The following IGSF10 variants were observed in gnomAD, a reference collection of about 807,000 sequenced individuals.
IGSF10 encodes the protein immunoglobulin superfamily member 10, also known as calvaria mechanical force protein 608.
IGSF10 carries 126 observed loss-of-function variants against 128.2 expected under a neutral mutation model. The observed-to-expected ratio is 0.98, with a 90% CI of 0.85 to 1.14. IGSF10 has a LOEUF of 1.14. IGSF10 is among the 50% of genes most tolerant of loss of function. The probability of loss-of-function intolerance (pLI) is 0.00; values close to 1 mark genes in which losing one functional copy is unlikely to be tolerated. For synonymous variants in IGSF10, 1,185 were observed against 1,146.2 expected (o/e 1.03, Z -0.68); for missense variants, 3,295 against 3,149.8 (o/e 1.05, Z -1.10).
chr3:151,436,742 C>T lies in IGSF10; in HGVS notation c.7819G>A (p.Ala2607Thr). 1.2e-6 allele frequency: 2 copies of T among 1,614,056 alleles called. No homozygotes were observed. Among genetic ancestry groups the T allele is most frequent in the Non-Finnish European group, 1.7e-6 (2 of 1,179,958 alleles). Residue 2607 changes from alanine to threonine, a missense_variant, in exon 8 of 8, where the codon GCA becomes ACA. Coordinates refer to ENST00000282466, the MANE Select transcript of IGSF10 (RefSeq NM_178822.5). ...TAATCACTACCAAGTGGGTTCTTTG[C>T]TGTGCATTTGTATATCCCAGAATCG... ...TSDSGIYKCT[A>T]KNPLGSDYAA... is the part of the protein sequence containing the mutation.
At chr3:151,491,253 T>C in the IGSF10 span, among the ~76,000 whole-genome samples, 27 of 152,108 alleles carry the variant, frequency 1.8e-4, no homozygotes, top group South Asian at 1.9e-3. Context: ...CTAGAGCAAA[T>C]TGATAAATTT....
intron 3 of IGSF10, 21 bp downstream of exon 3, chr3:151,458,495 G>A: frequency 6.3e-7 from 1 of 1,580,494 alleles, no homozygotes; most frequent in African/African-American, 1.3e-5. Context: ...TTGAGAAGAG[G>A]AAACATGAGG....
rs955406476 is a variant in IGSF10 at position 151,447,462 on chromosome 3, G to T, written c.2519C>A (p.Thr840Lys). The T allele has an allele frequency of 1.2e-6, 2 of 1,614,122 alleles. No individual in the cohort carries two copies. Among genetic ancestry groups the T allele is most frequent in the African/African-American group, 2.7e-5 (2 of 75,026 alleles). Reference sequence around the variant, plus strand: ...TGAATTCACAACAGGAGAGAATTCTGTGCCATAATTTATGTTTGTCATAGG... The same window carrying T: ...TGAATTCACAACAGGAGAGAATTCTTTGCCATAATTTATGTTTGTCATAGG... ...DSPMTNINYG[T>K]EFSPVVNSQI... Residue 840 changes from threonine to lysine, a missense_variant, in exon 6 of 8, where the codon ACA becomes AAA. Physicochemically the swap from Thr to Lys is moderately conservative, Grantham distance 78. Coordinates refer to ENST00000282466, the MANE Select transcript of IGSF10 (RefSeq NM_178822.5).
chr3:151,614,949 T>G, the IGSF10 span, among the ~76,000 whole-genome samples: 4 of 150,912 alleles, frequency 2.7e-5, no homozygotes, highest in African/African-American at 7.3e-5. Context: ...CAATGAAAAT[T>G]GAAACTTTTA....
At chr3:151,545,336 G>A in the IGSF10 span, among the ~76,000 whole-genome samples, 19 of 152,168 alleles carry the variant, frequency 1.2e-4, no homozygotes, top group African/African-American at 4.6e-4. Flanking sequence ...AGGGTAATAA[G>A]GCAGCAAGGT....
rs775593519 is a variant in IGSF10, at chr3:151,438,602, G to A, written c.5964-5C>T. 3.7e-6 allele frequency: 6 copies of A among 1,603,160 alleles called. No individual in the cohort carries two copies. Among genetic ancestry groups the A allele is most frequent in the Non-Finnish European group, 4.3e-6 (5 of 1,173,002 alleles). ...ACGTGGATCCAGCTGCCCACTCTAA[G>A]GAGAAAAGAGATTCATTTGAGTGTG... is the stretch of plus-strand genomic sequence containing the variant. On this transcript the variant is annotated splice_polypyrimidine_tract_variant and splice_region_variant and intron_variant, in intron 7 of 7. Coordinates refer to ENST00000282466, the MANE Select transcript of IGSF10 (RefSeq NM_178822.5).
the IGSF10 span, among the ~76,000 whole-genome samples, chr3:151,582,296 G>GGGC: frequency 5.3e-5 from 6 of 112,502 alleles, 1 homozygote; most frequent in East Asian, 1.8e-3. Context: ...AATATCCGGG[G>GGGC]GGGGGGGCGG....
the IGSF10 span, among the ~76,000 whole-genome samples, chr3:151,515,721 ACGTGTG>A: frequency 6.7e-5 from 4 of 59,904 alleles, no homozygotes; most frequent in East Asian, 6.2e-4. Context: ...AAATTATATT[ACGTGTG>A]TGTGTGTGTG....
chr3:151,534,430 T>C, the IGSF10 span, among the ~76,000 whole-genome samples: 1 of 151,932 alleles, frequency 6.6e-6, no homozygotes, highest in Non-Finnish European at 1.5e-5. Context: ...ATAGACCAGA[T>C]AAAGAAAATG....
chr3:151,606,935 C>T, the IGSF10 span, among the ~76,000 whole-genome samples: 13 of 152,204 alleles, frequency 8.5e-5, no homozygotes, highest in African/African-American at 3.1e-4. Flanking sequence ...TATAGCACCA[C>T]TTTTCCACAG....
chr3:151,507,680 A>G, the IGSF10 span, among the ~76,000 whole-genome samples: 7 of 152,176 alleles, frequency 4.6e-5, no homozygotes, highest in African/African-American at 7.2e-5. Context: ...AGATCTCATG[A>G]GAACTCACTA....
the IGSF10 span, among the ~76,000 whole-genome samples, chr3:151,504,178 C>G: frequency 5.3e-5 from 8 of 152,140 alleles, no homozygotes; most frequent in African/African-American, 1.9e-4. Context: ...CAAAGTTAAA[C>G]TACAAATTCC....
chr3:151,591,115 C>T, the IGSF10 span, among the ~76,000 whole-genome samples: 1 of 151,938 alleles, frequency 6.6e-6, no homozygotes, highest in African/African-American at 2.4e-5. Flanking sequence ...AAACATGATG[C>T]AAATGCACAT....
the IGSF10 span, among the ~76,000 whole-genome samples, chr3:151,612,733 A>T: frequency 6.6e-6 from 1 of 152,206 alleles, no homozygotes; most frequent in Non-Finnish European, 1.5e-5. Flanking sequence ...CTATCAGATA[A>T]AGACCAAAAA....
At chr3:151,608,102 T>C in the IGSF10 span, among the ~76,000 whole-genome samples, 21,908 of 151,904 alleles carry the variant, frequency 0.14, 1,951 homozygotes, top group African/African-American at 0.25. Flanking sequence ...CAGGGTAATA[T>C]AAGATAATGA....
the IGSF10 span, among the ~76,000 whole-genome samples, chr3:151,539,400 G>A: frequency 6.6e-6 from 1 of 152,184 alleles, no homozygotes; most frequent in Non-Finnish European, 1.5e-5. Context: ...CACTCCACCT[G>A]AGTGTTTGAG....
Position 151,449,201 on chromosome 3 carries a change from G to T in IGSF10, c.780C>A (p.Asn260Lys). 2 of 1,614,036 alleles carry T rather than the reference G, an allele frequency of 1.2e-6. No individual in the cohort carries two copies. The part of the protein sequence containing the change: ...SSAQQCPLCM[N>K]PRTSKGKPLA... ...ACGGCTTGCCTTTAGAAGTCCTAGG[G>T]TTCATGCAAAGTGGACACTGCTGAG... Residue 260 changes from asparagine (N) to lysine (K), a missense_variant, in exon 6 of 8, where the codon AAC becomes AAA. Transcript: ENST00000282466.
At chr3:151,486,067 A>G in the IGSF10 span, among the ~76,000 whole-genome samples, 1 of 152,220 alleles carries the variant, frequency 6.6e-6, no homozygotes, top group Admixed American at 6.5e-5. Flanking sequence ...TCTCACGTGC[A>G]AAGACTCACA....
In IGSF10 at chr3:151,445,950, A is replaced by G. The variant is rs768569852; in HGVS notation, c.4031T>C (p.Ile1344Thr). Reference sequence around the variant, plus strand: ...CTTTTGAGGCTCCTGTTCTCTTTGTATTGTTTGTGCTCTAGATCTCTCTGT... The same window carrying G: ...CTTTTGAGGCTCCTGTTCTCTTTGTGTTGTTTGTGCTCTAGATCTCTCTGT... ...TQTERSRAQTIQREQEPQKKN... is the reference protein window; with the variant it reads ...TQTERSRAQTTQREQEPQKKN... The change falls in exon 6 of 8, where the codon ATA (isoleucine) becomes ACA (threonine). Residue 1344 changes from isoleucine to threonine, a missense_variant. Ile to Thr is a moderately conservative substitution (Grantham distance 89). Transcript: ENST00000282466. 8 of 1,613,854 alleles carry G rather than the reference A, an allele frequency of 5.0e-6. No homozygotes were observed. Among genetic ancestry groups the G allele is most frequent in the South Asian group, 2.2e-5 (2 of 91,066 alleles).
Sources: gnomAD v4.1 joint callset for allele counts (sites outside exome capture counted in the v4.1 genomes callset) on GRCh38, gnomAD v4.1.1 for gene constraint, MANE v1.5 for transcripts, NCBI Gene and HGNC (gene_info 2026-07-23, HGNC 2026-07-21) for gene names.